ZNF469: variants seen among roughly 807,000 people sequenced by gnomAD.
ZNF469 encodes zinc finger protein 469.
In ZNF469, 1 loss-of-function variant was observed where a neutral mutation model predicts 1.0. That is an observed-to-expected ratio of 1.00 (90% CI 0.35 to 4.73). ZNF469 has a LOEUF of 4.73. Ranked by LOEUF, ZNF469 falls within the 30% of genes most tolerant of loss-of-function variation. The pLI is 0.16. For synonymous variants in ZNF469, 2,703 were observed against 2,363.4 expected (o/e 1.14, Z -4.17); for missense variants, 6,100 against 5,356.3 (o/e 1.14, Z -4.33).
the ZNF469 span, among the ~76,000 whole-genome samples, chr16:88,296,187 T>C: frequency 7.2e-5 from 11 of 152,018 alleles, no homozygotes; most frequent in African/African-American, 2.7e-4. Flanking sequence ...CCCAAGGCCA[T>C]AGGGTGGGGC....
the ZNF469 span, among the ~76,000 whole-genome samples, chr16:88,207,566 C>T: frequency 6.7e-6 from 1 of 149,170 alleles, no homozygotes; most frequent in African/African-American, 2.5e-5. Flanking sequence ...CAACGAACCA[C>T]AAACCGGGAG....
chr16:88,330,575 G>A, the ZNF469 span, among the ~76,000 whole-genome samples: 2 of 152,196 alleles, frequency 1.3e-5, no homozygotes, highest in Non-Finnish European at 2.9e-5. Flanking sequence ...TGTGGCCTCC[G>A]CTTCATGGAC....
Position 88,438,543 on chromosome 16 carries a change from A to G in ZNF469, c.11073A>G (p.Lys3691=), listed in dbSNP as rs1360201472. The G allele has an allele frequency of 6.5e-7, 1 of 1,550,128 alleles. No individual in the cohort carries two copies. The highest frequency in any genetic ancestry group is 8.7e-7 in the Non-Finnish European group (1 of 1,146,962). Reference sequence around the variant, plus strand: ...GGTCGGCAGCATCCACCCCCAGCAAAGCACTCAAGTTCCCAGTGCACCCAA... The same window carrying G: ...GGTCGGCAGCATCCACCCCCAGCAAGGCACTCAAGTTCCCAGTGCACCCAA... ...KDRSAASTPS[K]ALKFPVHPRK... is the part of the protein sequence containing the mutation. The change falls in exon 3 of 3, where the codon AAA becomes AAG. Residue 3691 remains lysine, a synonymous_variant. Coordinates refer to ENST00000565624, the MANE Select transcript of ZNF469 (RefSeq NM_001367624.2).
At chr16:88,130,188 C>A in the ZNF469 span, among the ~76,000 whole-genome samples, 1 of 152,118 alleles carries the variant, frequency 6.6e-6, no homozygotes, top group African/African-American at 2.4e-5. Flanking sequence ...CATCGGGGTG[C>A]GTGCGCAGGA....
At chr16:88,231,847 A>G in the ZNF469 span, among the ~76,000 whole-genome samples, 1 of 152,226 alleles carries the variant, frequency 6.6e-6, no homozygotes, top group Non-Finnish European at 1.5e-5. This position sits in a 1 kb window ranked among gnomAD's most constrained non-coding sequence, Gnocchi z 4.5. Flanking sequence ...ACATATTCCC[A>G]GGATCTGGGA....
rs1005969277 is a variant in ZNF469 at position 88,433,963 on chromosome 16, C to G, written c.6493C>G (p.Leu2165Val). 6.5e-7 allele frequency: 1 copy of G among 1,550,168 alleles called. No homozygotes were observed. Among genetic ancestry groups the G allele is most frequent in the African/African-American group, 1.4e-5 (1 of 73,060 alleles). ...CAGGGACCCTCCCGGCCCCCAGCAGCTGCTGGCCTGTTCTCCTGCCTGGGC... is the reference window on the plus strand; with the variant it reads ...CAGGGACCCTCCCGGCCCCCAGCAGGTGCTGGCCTGTTCTCCTGCCTGGGC... Reference protein sequence around the residue: ...SCRDPPGPQQLLACSPAWAPL... With the variant: ...SCRDPPGPQQVLACSPAWAPL... Residue 2165 changes from leucine (L) to valine (V), a missense_variant, in exon 3 of 3, where the codon CTG becomes GTG. Transcript: ENST00000565624.
upstream of ZNF469, among the ~76,000 whole-genome samples, chr16:88,381,085 C>T (rs567999741): frequency 2.9e-3 from 430 of 146,814 alleles, 3 homozygotes; most frequent in African/African-American, 0.01. Context: ...CACTCACACA[C>T]GCACTCACAC....
chr16:88,289,893 A>G, the ZNF469 span, among the ~76,000 whole-genome samples: 1 of 152,192 alleles, frequency 6.6e-6, no homozygotes, highest in African/African-American at 2.4e-5. Flanking sequence ...AACATTGCCT[A>G]ACCAGAAAAT....
the ZNF469 span, among the ~76,000 whole-genome samples, chr16:88,220,496 CCA>C: frequency 6.6e-6 from 1 of 152,062 alleles, no homozygotes; most frequent in Non-Finnish European, 1.5e-5. Flanking sequence ...TGACAGAATG[CCA>C]CAGTGTGACC....
chr16:88,289,304 GGAT>G, the ZNF469 span, among the ~76,000 whole-genome samples: 1 of 146,966 alleles, frequency 6.8e-6, no homozygotes, highest in Non-Finnish European at 1.5e-5. Flanking sequence ...ATGGTGATGA[GGAT>G]GATGGTGATG....
chr16:88,375,326 A>C, the ZNF469 span, among the ~76,000 whole-genome samples: 1 of 152,260 alleles, frequency 6.6e-6, no homozygotes, highest in Admixed American at 6.5e-5. Context: ...CAGAGGGGCC[A>C]AGGCCACTAG....
the ZNF469 span, among the ~76,000 whole-genome samples, chr16:88,110,643 C>T: frequency 2.0e-5 from 3 of 152,332 alleles, no homozygotes; most frequent in East Asian, 1.9e-4. Context: ...TGCTGTCCTG[C>T]GGGTGAGAAT....
the ZNF469 span, among the ~76,000 whole-genome samples, chr16:88,351,314 A>C: frequency 6.6e-6 from 1 of 152,122 alleles, no homozygotes; most frequent in African/African-American, 2.4e-5. Flanking sequence ...TGAGGACGTT[A>C]AATGCTGGGA....
In ZNF469 at chr16:88,436,407, C is replaced by G. The variant is rs777763779; in HGVS notation, c.8937C>G (p.Pro2979=). 17 of 1,549,398 alleles carry G rather than the reference C, an allele frequency of 1.1e-5. No individual in the cohort carries two copies. The Admixed American group carries it at 2.7e-4, about 25-fold the overall frequency. The change falls in exon 3 of 3, where the codon CCC becomes CCG. Residue 2979 remains proline, a synonymous_variant. Transcript: ENST00000565624. ...CAGAGAAGCTGCCCTCCCACTGCCC[C>G]GAGGACGATCGGCCGGAGGCCATTC... ...AGAEKLPSHC[P]EDDRPEAIPE...
chr16:88,416,529 A>C (rs1340158186), intron 1 of ZNF469, among the ~76,000 whole-genome samples: 2 of 152,184 alleles, frequency 1.3e-5, no homozygotes, highest in African/African-American at 4.8e-5. Flanking sequence ...CTCTGGGCCT[A>C]GCCGGAAGCT....
chr16:88,395,736 G>C (rs990286024), intron 1 of ZNF469, among the ~76,000 whole-genome samples: 4 of 152,208 alleles, frequency 2.6e-5, no homozygotes, highest in Non-Finnish European at 5.9e-5. Context: ...GAAGGCAGAA[G>C]CTCTAGAGTC....
At chr16:88,126,781 G>A in the ZNF469 span, among the ~76,000 whole-genome samples, 1 of 151,820 alleles carries the variant, frequency 6.6e-6, no homozygotes, top group South Asian at 2.1e-4. Flanking sequence ...AGCCTCCTGA[G>A]TAGCTGGGAT....
At chr16:88,242,775 G>GC in the ZNF469 span, among the ~76,000 whole-genome samples, 10 of 152,344 alleles carry the variant, frequency 6.6e-5, no homozygotes, top group African/African-American at 1.9e-4. Flanking sequence ...GGCACATGGG[G>GC]CTTGGCACTG....
At chr16:88,309,378 C>T in the ZNF469 span, among the ~76,000 whole-genome samples, 1 of 151,856 alleles carries the variant, frequency 6.6e-6, no homozygotes, top group Non-Finnish European at 1.5e-5. Flanking sequence ...CTCTGAGGTC[C>T]CCTGTCAGTG....
Sources: allele counts gnomAD v4.1 joint callset (sites outside exome capture counted in the v4.1 genomes callset), GRCh38; gene constraint gnomAD v4.1.1; non-coding constraint Gnocchi (gnomAD v3.1); transcripts MANE v1.5; gene names NCBI Gene and HGNC (gene_info 2026-07-23, HGNC 2026-07-21).